Variants in MDFIC2 observed in about 807,000 individuals in gnomAD.
The protein encoded by MDFIC2 is myoD family inhibitor domain-containing protein 2.
At chr3:70,220,515 T>C (rs942052965) in intron 2 of MDFIC2, among the ~76,000 whole-genome samples, 1 of 152,142 alleles carries the variant, frequency 6.6e-6, no homozygotes, top group African/African-American at 2.4e-5. Flanking sequence ...AATTTCTAAC[T>C]GGTACAAAAT....
intron 2 of MDFIC2, among the ~76,000 whole-genome samples, chr3:70,216,078 G>C (rs963389013): frequency 6.6e-6 from 1 of 151,716 alleles, no homozygotes; most frequent in Non-Finnish European, 1.5e-5. Flanking sequence ...TAAACACATT[G>C]TTATATTTGT....
chr3:70,238,310 TA>T (rs1235155931), intron 2 of MDFIC2, among the ~76,000 whole-genome samples: 4 of 151,940 alleles, frequency 2.6e-5, no homozygotes, highest in African/African-American at 9.7e-5. Context: ...CTGCCATGTG[TA>T]AAAAGTCTAT....
At chr3:70,201,104 A>C (rs1030822125) in intron 3 of MDFIC2, among the ~76,000 whole-genome samples, 5 of 151,872 alleles carry the variant, frequency 3.3e-5, no homozygotes, top group African/African-American at 1.2e-4. Flanking sequence ...TACATAGGTA[A>C]ACTTGTGTCA....
intron 2 of MDFIC2, among the ~76,000 whole-genome samples, chr3:70,252,066 A>G (rs187746124): frequency 6.6e-6 from 1 of 152,300 alleles, no homozygotes; most frequent in East Asian, 1.9e-4. Context: ...TCCTGTTATT[A>G]TTAAGTCTTT....
chr3:70,311,429 T>G (rs574134050), intron 2 of MDFIC2, among the ~76,000 whole-genome samples: 15 of 152,306 alleles, frequency 9.8e-5, no homozygotes, highest in African/African-American at 3.6e-4. Flanking sequence ...GCCGACAGCA[T>G]TCTCCCCTGG....
intron 2 of MDFIC2, among the ~76,000 whole-genome samples, chr3:70,215,494 ATAAC>A (rs1701400134): frequency 6.6e-6 from 1 of 152,060 alleles, no homozygotes; most frequent in African/African-American, 2.4e-5. Context: ...TTCCTATTTG[ATAAC>A]TAATAACTGC....
rs374313979 is a variant in MDFIC2, at chr3:70,292,286, T to G, written c.88+19600A>C. Among the ~76,000 whole-genome samples the G allele has an allele frequency of 2.2e-4, 34 of 152,276 alleles. No individual in the cohort carries two copies. The South Asian group carries it at 6.8e-3, about 31-fold the overall frequency. ...CTCATTGATAACAATTATATTTATT[T>G]GATTGTTTATAATATATAGTATCTA... On this transcript the variant is annotated intron_variant, in intron 2 of 3. Coordinates refer to ENST00000567252, the MANE Select transcript of MDFIC2 (RefSeq NM_001364677.1).
At chr3:70,300,497 A>G (rs1702336852) in intron 2 of MDFIC2, among the ~76,000 whole-genome samples, 1 of 151,998 alleles carries the variant, frequency 6.6e-6, no homozygotes, top group Admixed American at 6.6e-5. Context: ...TTTTCCAGCA[A>G]TGTAGTTATA....
intron 2 of MDFIC2, among the ~76,000 whole-genome samples, chr3:70,262,848 T>A (rs1701879760): frequency 6.6e-6 from 1 of 152,196 alleles, no homozygotes; most frequent in Non-Finnish European, 1.5e-5. Flanking sequence ...CCTGATATTG[T>A]CCCACAGGTC....
intron 2 of MDFIC2, among the ~76,000 whole-genome samples, chr3:70,208,697 G>T (rs1701313441): frequency 6.6e-6 from 1 of 151,988 alleles, no homozygotes; most frequent in African/African-American, 2.4e-5. Context: ...GTGCATCAGT[G>T]ATTTTCAGAA....
At chr3:70,284,101 G>A (rs960165925) in intron 2 of MDFIC2, among the ~76,000 whole-genome samples, 2 of 152,030 alleles carry the variant, frequency 1.3e-5, no homozygotes, top group Admixed American at 1.3e-4. Context: ...TTTCATGAGT[G>A]CAACTCTTAA....
intron 2 of MDFIC2, among the ~76,000 whole-genome samples, chr3:70,248,745 C>G (rs1701731757): frequency 6.6e-6 from 1 of 152,060 alleles, no homozygotes; most frequent in Non-Finnish European, 1.5e-5. Context: ...AAGAACTCAA[C>G]AGCTCAACAT....
chr3:70,208,969 A>T (rs1460111269), intron 2 of MDFIC2, among the ~76,000 whole-genome samples: 3 of 152,086 alleles, frequency 2.0e-5, no homozygotes, highest in Non-Finnish European at 2.9e-5. Flanking sequence ...TTAATGTAGT[A>T]TTGAATATTG....
chr3:70,241,140 G>A (rs1041748058), intron 2 of MDFIC2, among the ~76,000 whole-genome samples: 15 of 152,208 alleles, frequency 9.9e-5, no homozygotes, highest in South Asian at 2.1e-4. Flanking sequence ...CATACGGGCT[G>A]ATAAATTTAT....
intron 2 of MDFIC2, among the ~76,000 whole-genome samples, chr3:70,238,291 G>A (rs894952662): frequency 6.6e-6 from 1 of 151,914 alleles, no homozygotes; most frequent in South Asian, 2.1e-4. Context: ...GGTAGACAGA[G>A]CCATTTTTCT....
intron 2 of MDFIC2, among the ~76,000 whole-genome samples, chr3:70,243,201 T>C (rs936740280): frequency 6.6e-6 from 1 of 152,148 alleles, no homozygotes; most frequent in African/African-American, 2.4e-5. Flanking sequence ...TTAAGGTCTG[T>C]TGAGGATTGG....
chr3:70,271,290 C>A (rs1261510141), intron 2 of MDFIC2, among the ~76,000 whole-genome samples: 1 of 151,950 alleles, frequency 6.6e-6, no homozygotes, highest in African/African-American at 2.4e-5. Context: ...ATGAAAAGGA[C>A]CTGGTAGGAA....
chr3:70,269,797 G>T (rs1214036645), intron 2 of MDFIC2, among the ~76,000 whole-genome samples: 1 of 152,044 alleles, frequency 6.6e-6, no homozygotes, highest in African/African-American at 2.4e-5. Context: ...GGACAAAGAA[G>T]AAATTTAAAC....
At chr3:70,200,107 C>T (rs2106719230) in intron 3 of MDFIC2, among the ~76,000 whole-genome samples, 1 of 152,242 alleles carries the variant, frequency 6.6e-6, no homozygotes, top group Non-Finnish European at 1.5e-5. Context: ...CTGTTTCCAC[C>T]TCAAATTCGT....
Sources: allele counts gnomAD v4.1 joint callset (sites outside exome capture counted in the v4.1 genomes callset), GRCh38; gene constraint gnomAD v4.1.1; transcripts MANE v1.5; gene names NCBI Gene and HGNC (gene_info 2026-07-23, HGNC 2026-07-21).